PIK3R3: variants seen among roughly 807,000 people sequenced by gnomAD.
PIK3R3 encodes phosphoinositide-3-kinase regulatory subunit 3.
PIK3R3 carries 64 observed loss-of-function variants against 62.9 expected under a neutral mutation model. That is an observed-to-expected ratio of 1.02 (90% CI 0.83 to 1.25). The LOEUF is 1.25. PIK3R3 is among the 50% of genes most tolerant of loss of function. PIK3R3 has a pLI of 0.00. For synonymous variants in PIK3R3, 165 were observed against 189.0 expected (o/e 0.87, Z 1.04); for missense variants, 614 against 561.6 (o/e 1.09, Z -0.94).
the PIK3R3 span, among the ~76,000 whole-genome samples, chr1:46,159,445 T>A: frequency 5.3e-5 from 8 of 152,196 alleles, no homozygotes; most frequent in Non-Finnish European, 8.8e-5. Flanking sequence ...TGCCTTAATA[T>A]AAGACAAAAT....
chr1:46,059,688 G>A lies in PIK3R3; in HGVS notation c.764+2241C>T, dbSNP rs1212135828. Reference sequence around the variant, plus strand: ...ACTTGCCTGTAGTCCTAGCAACTCGGGAGGCTGAGGCAAGTGGATCCCGTG... The same window carrying A: ...ACTTGCCTGTAGTCCTAGCAACTCGAGAGGCTGAGGCAAGTGGATCCCGTG... On this transcript the variant is annotated intron_variant, in intron 6 of 9. Coordinates refer to ENST00000262741, the MANE Select transcript of PIK3R3 (RefSeq NM_003629.4). Among the ~76,000 whole-genome samples the A allele has an allele frequency of 5.2e-4, 79 of 152,302 alleles. 1 individual carries two copies. The highest frequency in any genetic ancestry group is 2.4e-4 in the Non-Finnish European group (16 of 68,040).
chr1:46,168,216 C>T, the PIK3R3 span, among the ~76,000 whole-genome samples: 1 of 152,016 alleles, frequency 6.6e-6, no homozygotes, highest in South Asian at 2.1e-4. Context: ...TTCTGTGGAG[C>T]CTCTAGGAGG....
the PIK3R3 span, among the ~76,000 whole-genome samples, chr1:46,164,511 CTCAGGATAAAAACCAGCT>C: frequency 6.6e-6 from 1 of 152,146 alleles, no homozygotes; most frequent in African/African-American, 2.4e-5. Context: ...CTCAAGGGCT[CTCAGGATAAAAACCAGCT>C]TCAACAGGAG....
At chr1:46,093,974 T>C (rs373898065) in intron 1 of PIK3R3, among the ~76,000 whole-genome samples, 13 of 149,360 alleles carry the variant, frequency 8.7e-5, no homozygotes, top group East Asian at 7.9e-4. Context: ...GAGGCTGAGG[T>C]GGGAGGATCA....
intron 1 of PIK3R3, among the ~76,000 whole-genome samples, chr1:46,125,007 G>A (rs752562288): frequency 9.2e-5 from 14 of 152,138 alleles, no homozygotes; most frequent in East Asian, 3.8e-4. Flanking sequence ...GCTGAGGCAG[G>A]AGAATTGCCT....
chr1:46,163,195 T>G, the PIK3R3 span, among the ~76,000 whole-genome samples: 1 of 152,248 alleles, frequency 6.6e-6, no homozygotes, highest in Non-Finnish European at 1.5e-5. Context: ...CAGAAAGTTT[T>G]TCTCATAATT....
chr1:46,071,611 T>G (rs1431983244), intron 3 of PIK3R3, among the ~76,000 whole-genome samples: 1 of 148,118 alleles, frequency 6.8e-6, no homozygotes, highest in Non-Finnish European at 1.5e-5. Context: ...GGAGAATCAC[T>G]TGAACCTGGG....
the PIK3R3 span, among the ~76,000 whole-genome samples, chr1:46,156,394 G>C: frequency 6.6e-6 from 1 of 151,242 alleles, no homozygotes; most frequent in African/African-American, 2.4e-5. Context: ...TGGAGACGGA[G>C]GTTCCAGTGA....
At chr1:46,169,337 G>A in the PIK3R3 span, among the ~76,000 whole-genome samples, 3 of 152,078 alleles carry the variant, frequency 2.0e-5, no homozygotes, top group Admixed American at 6.5e-5. Flanking sequence ...GGTTGTGGGC[G>A]TAAGATTTAT....
the PIK3R3 span, among the ~76,000 whole-genome samples, chr1:46,169,527 G>T: frequency 1.3e-5 from 2 of 152,158 alleles, no homozygotes; most frequent in Non-Finnish European, 2.9e-5. Flanking sequence ...CCTAAAAGCT[G>T]CACTTAAACA....
At chr1:46,142,184 C>T in the PIK3R3 span, among the ~76,000 whole-genome samples, 1 of 152,168 alleles carries the variant, frequency 6.6e-6, no homozygotes, top group Admixed American at 6.5e-5. Flanking sequence ...CTAGATTTGA[C>T]CTCTGGATGG....
chr1:46,164,793 G>T, the PIK3R3 span, among the ~76,000 whole-genome samples: 1 of 151,832 alleles, frequency 6.6e-6, no homozygotes, highest in East Asian at 1.9e-4. Context: ...TTTTGCTTAT[G>T]CTATTCCCTC....
At chr1:46,134,794 G>T (rs1429831139), upstream of PIK3R3, 1 of 152,198 alleles carries the variant, frequency 6.6e-6, no homozygotes, top group Admixed American at 6.5e-5. Context: ...TCAGCATTTA[G>T]TGGTGGGGTT....
chr1:46,052,855 G>T (rs189098347), intron 7 of PIK3R3, among the ~76,000 whole-genome samples: 9 of 152,242 alleles, frequency 5.9e-5, no homozygotes, highest in Admixed American at 6.5e-5. Flanking sequence ...TCAAGGAAAT[G>T]ACCACATCCA....
intron 3 of PIK3R3, among the ~76,000 whole-genome samples, chr1:46,070,965 T>C (rs1649426294): frequency 1.3e-5 from 2 of 152,168 alleles, no homozygotes; most frequent in Non-Finnish European, 2.9e-5. Context: ...ATAAGAGCTA[T>C]TGAACTGAAA....
intron 9 of PIK3R3, 38 bp from the exon 10 acceptor site, chr1:46,043,909 T>C (rs1461964294): frequency 6.5e-7 from 1 of 1,535,210 alleles, no homozygotes; most frequent in Non-Finnish European, 8.9e-7. Context: ...TTAAGGTAGG[T>C]AACAATAGAT....
chr1:46,094,422 T>C (rs1005172026), intron 1 of PIK3R3, among the ~76,000 whole-genome samples: 23 of 152,244 alleles, frequency 1.5e-4, no homozygotes, highest in African/African-American at 5.3e-4. Context: ...ACATTTATTT[T>C]AATTAAATCT....
At chr1:46,144,063 G>A in the PIK3R3 span, among the ~76,000 whole-genome samples, 1 of 152,228 alleles carries the variant, frequency 6.6e-6, no homozygotes, top group Admixed American at 6.5e-5. Flanking sequence ...GGCCATAGCT[G>A]GTAGGGCCTA....
In PIK3R3 at chr1:46,067,253, CATATATATATATATAT is replaced by C. The variant is rs71307629; in HGVS notation, c.315-178_315-163del. ...AAAGGCATGTTATTCTGTGTGTGAA[CATATATATATATATAT>C]ATATATATAATTCATTTTGCATTGT... On this transcript the variant is annotated intron_variant, in intron 3 of 9. Coordinates refer to ENST00000262741, the MANE Select transcript of PIK3R3 (RefSeq NM_003629.4). 1.3e-4 allele frequency among the ~76,000 whole-genome samples: 17 copies of C among 130,356 alleles called. No homozygotes were observed. In the South Asian group the frequency reaches 4.3e-3, roughly 33 times the overall value. 85.5% of individuals were successfully genotyped at this position (130,356 alleles called of 152,430 possible). A position where few individuals can be genotyped will look rare whatever the true frequency, so the allele number is the denominator to read the frequency against.
Sources: allele counts gnomAD v4.1 joint callset (sites outside exome capture counted in the v4.1 genomes callset), GRCh38; gene constraint gnomAD v4.1.1; transcripts MANE v1.5; gene names NCBI Gene and HGNC (gene_info 2026-07-23, HGNC 2026-07-21).